UMAD1: variants seen among roughly 807,000 people sequenced by gnomAD.
UMAD1 encodes the protein UBAP1-MVB12-associated (UMA) domain containing 1, also known as UBAP1-MVB12-associated (UMA)-domain containing protein 1.
UMAD1 carries 8 observed loss-of-function variants against 6.1 expected under a neutral mutation model. That is an observed-to-expected ratio of 1.30 (90% CI 0.76 to 2.35). The LOEUF (loss-of-function observed/expected upper bound fraction) is 2.35, where lower values mean the gene tolerates loss of function less well. UMAD1 is among the 30% of genes most tolerant of loss of function. The pLI, the probability that UMAD1 is intolerant of heterozygous loss-of-function variation, is 0.00. For missense variants in UMAD1, 130 were observed against 78.4 expected (o/e 1.66, Z -2.49); for synonymous variants, 56 against 31.4 (o/e 1.78, Z -2.61).
chr7:7,649,394 C>T (rs1785171071), intron 1 of UMAD1, among the ~76,000 whole-genome samples: 1 of 152,010 alleles, frequency 6.6e-6, no homozygotes, highest in South Asian at 2.1e-4. Context: ...GCAATAATGG[C>T]ATTAATCCAT....
At chr7:7,751,146 C>G (rs1781670092) in intron 2 of UMAD1, among the ~76,000 whole-genome samples, 1 of 152,120 alleles carries the variant, frequency 6.6e-6, no homozygotes, top group Admixed American at 6.6e-5. Flanking sequence ...CTGTGTTATA[C>G]CACTAGTTAC....
At chr7:7,721,901 A>G (rs888996701) in intron 2 of UMAD1, among the ~76,000 whole-genome samples, 1 of 152,122 alleles carries the variant, frequency 6.6e-6, no homozygotes, top group African/African-American at 2.4e-5. Flanking sequence ...CTTAATCTGG[A>G]TGGGCACTAT....
At chr7:7,673,768 G>A (rs1413128326) in intron 2 of UMAD1, among the ~76,000 whole-genome samples, 2 of 150,636 alleles carry the variant, frequency 1.3e-5, no homozygotes, top group African/African-American at 4.9e-5. Flanking sequence ...ATGAATTCAA[G>A]TTCTGTCTTA....
intron 1 of UMAD1, among the ~76,000 whole-genome samples, chr7:7,672,860 T>C (rs1403145444): frequency 6.6e-6 from 1 of 152,166 alleles, no homozygotes; most frequent in Non-Finnish European, 1.5e-5. Flanking sequence ...CAGTAGGGGA[T>C]GTTTGATGTG....
chr7:7,870,842 A>G (rs1784319712), intron 3 of UMAD1, among the ~76,000 whole-genome samples: 1 of 152,216 alleles, frequency 6.6e-6, no homozygotes. Flanking sequence ...CAGTTAAGAG[A>G]TAGATGCTGG....
Position 7,784,293 on chromosome 7 carries a change from A to T in UMAD1, c.83-17377A>T, listed in dbSNP as rs550517878. Among the ~76,000 whole-genome samples the T allele has an allele frequency of 2.1e-3, 321 of 151,868 alleles. 1 individual carries two copies. The highest frequency in any genetic ancestry group is 3.9e-3 in the South Asian group (19 of 4,816). Reference sequence around the variant, plus strand: ...GTCCCCTTTCATGAAATTTTCAAGGAAATTGTGATTTCCATGACTTAAAAT... The same window carrying T: ...GTCCCCTTTCATGAAATTTTCAAGGTAATTGTGATTTCCATGACTTAAAAT... On this transcript the variant is annotated intron_variant, in intron 2 of 3. Transcript: ENST00000682710.
intron 2 of UMAD1, among the ~76,000 whole-genome samples, chr7:7,753,201 G>A (rs572165639): frequency 4.9e-4 from 75 of 152,110 alleles, no homozygotes; most frequent in African/African-American, 1.6e-3. Flanking sequence ...TTTGATACAG[G>A]CATACATTGT....
At chr7:7,855,277 G>A (rs1008885304) in intron 3 of UMAD1, among the ~76,000 whole-genome samples, 3 of 152,226 alleles carry the variant, frequency 2.0e-5, no homozygotes, top group Non-Finnish European at 4.4e-5. Flanking sequence ...CTGCATGAGG[G>A]CTCCAACCCC....
chr7:7,756,896 C>G (rs1212602386), intron 2 of UMAD1, among the ~76,000 whole-genome samples: 1 of 152,180 alleles, frequency 6.6e-6, no homozygotes, highest in Non-Finnish European at 1.5e-5. Context: ...TTTGATGTTG[C>G]TGAGTTTTCC....
At position 7,758,121 on chromosome 7, in the gene UMAD1, GCTGGTCTTGAACTC is replaced by G. The variant is rs534888524; in HGVS notation, c.83-43544_83-43531del. Reference sequence around the variant, plus strand: ...ACAGGGTTCTCCCTATGTTGACCAGGCTGGTCTTGAACTCCTGGGCTCAAGCAGTCGTTCTGCCA... The same window carrying G: ...ACAGGGTTCTCCCTATGTTGACCAGGCTGGGCTCAAGCAGTCGTTCTGCCA... On this transcript the variant is annotated intron_variant, in intron 2 of 3. Transcript: ENST00000682710. 1.1e-4 allele frequency among the ~76,000 whole-genome samples: 16 copies of G among 152,054 alleles called. No homozygotes were observed. The East Asian group carries it at 3.1e-3, about 29-fold the overall frequency.
intron 1 of UMAD1, chr7:7,641,263 C>G (rs1036456803): frequency 2.6e-5 from 4 of 152,232 alleles, no homozygotes; most frequent in East Asian, 1.9e-4. Flanking sequence ...TCTTTCACCC[C>G]GCTAACCCCT....
intron 2 of UMAD1, chr7:7,742,556 G>T (rs989004145): frequency 1.3e-5 from 7 of 519,426 alleles, no homozygotes; most frequent in Admixed American, 1.0e-4. Context: ...TTCGCTTTCG[G>T]CGCCATCTTG....
intron 2 of UMAD1, among the ~76,000 whole-genome samples, chr7:7,712,793 A>G (rs1042062418): frequency 1.3e-5 from 2 of 152,192 alleles, no homozygotes; most frequent in Non-Finnish European, 2.9e-5. Context: ...GTGAACTACT[A>G]CATACAATAC....
At chr7:7,766,714 C>A (rs1342780015) in intron 2 of UMAD1, among the ~76,000 whole-genome samples, 1 of 152,066 alleles carries the variant, frequency 6.6e-6, no homozygotes, top group Non-Finnish European at 1.5e-5. Flanking sequence ...AAAAACTTAC[C>A]TAGTATTCAT....
intron 3 of UMAD1, among the ~76,000 whole-genome samples, chr7:7,863,040 G>T (rs1265120158): frequency 6.6e-6 from 1 of 151,824 alleles, no homozygotes; most frequent in Non-Finnish European, 1.5e-5. Flanking sequence ...AAATCAGCTT[G>T]GCCAAGTTGG....
chr7:7,729,066 T>C (rs1781197136), intron 2 of UMAD1, among the ~76,000 whole-genome samples: 1 of 152,198 alleles, frequency 6.6e-6, no homozygotes, highest in African/African-American at 2.4e-5. Flanking sequence ...GTACATAATG[T>C]ATTTGTGTCG....
At chr7:7,799,019 G>C (rs927362074) in intron 2 of UMAD1, among the ~76,000 whole-genome samples, 1 of 152,126 alleles carries the variant, frequency 6.6e-6, no homozygotes, top group Non-Finnish European at 1.5e-5. Context: ...ATATAAATTA[G>C]AGTTAACTGA....
intron 2 of UMAD1, among the ~76,000 whole-genome samples, chr7:7,696,708 T>C (rs1780327454): frequency 6.6e-6 from 1 of 152,208 alleles, no homozygotes; most frequent in South Asian, 2.1e-4. Context: ...TTTCTGCCTC[T>C]AGAACTGCTC....
At chr7:7,755,052 C>T (rs941490565) in intron 2 of UMAD1, among the ~76,000 whole-genome samples, 9 of 152,158 alleles carry the variant, frequency 5.9e-5, no homozygotes, top group Non-Finnish European at 1.2e-4. Flanking sequence ...TTGTTCACAA[C>T]CCTTCGGTGG....
Sources: allele counts gnomAD v4.1 joint callset (sites outside exome capture counted in the v4.1 genomes callset), GRCh38; gene constraint gnomAD v4.1.1; transcripts MANE v1.5; gene names NCBI Gene and HGNC (gene_info 2026-07-23, HGNC 2026-07-21).